The following PAAF1 variants were observed in gnomAD, a reference collection of about 807,000 sequenced individuals.
PAAF1 encodes the protein proteasomal ATPase-associated factor 1.
A neutral mutation model predicts 52.8 loss-of-function variants in PAAF1; 46 were observed. That is an observed-to-expected ratio of 0.87 (90% CI 0.69 to 1.11). The LOEUF is 1.11. Ranked by LOEUF, PAAF1 falls within the 50% of genes most tolerant of loss-of-function variation. The pLI is 0.00. For synonymous variants in PAAF1, 178 were observed against 172.8 expected (o/e 1.03, Z -0.24); for missense variants, 424 against 477.4 (o/e 0.89, Z 1.04).
chr11:73,905,319 G>C (rs1262443936), intron 6 of PAAF1, among the ~76,000 whole-genome samples: 1 of 151,978 alleles, frequency 6.6e-6, no homozygotes, highest in Non-Finnish European at 1.5e-5. Context: ...CGCCTCCTGG[G>C]TTCAAGTGAT....
chr11:73,882,169 C>T (rs1035637700), intron 2 of PAAF1, among the ~76,000 whole-genome samples: 1 of 152,092 alleles, frequency 6.6e-6, no homozygotes, highest in Non-Finnish European at 1.5e-5. Flanking sequence ...GCGTGAGCCA[C>T]TGTGCCCCGC....
At chr11:73,900,244 C>T (rs111391827) in intron 5 of PAAF1, 26 bp from the exon 6 acceptor site, 1 of 1,574,336 alleles carries the variant, frequency 6.4e-7, no homozygotes, top group Non-Finnish European at 8.7e-7. Flanking sequence ...AGAGAACTAG[C>T]ATGGAATTTT....
chr11:73,916,553 CTT>C lies in PAAF1; in HGVS notation c.830_831del (p.Phe277TyrfsTer61). ...GLQSRQLVFLFIGSDAFNCCT... is the reference protein window; with the variant it reads ...GLQSRQLVFLXIGSDAFNCCT... ...CTCCTACTTGTTCCCAGGTGTTCCT[CTT>C]TATTGGCTCAGACGCTTTCAACTGC... On this transcript the variant is annotated frameshift_variant, in exon 9 of 12. Transcript: ENST00000310571. LOFTEE classifies it high-confidence loss of function. 6.2e-7 allele frequency: 1 copy of C among 1,611,614 alleles called. No homozygotes were observed. The highest frequency in any genetic ancestry group is 8.5e-7 in the Non-Finnish European group (1 of 1,178,552).
chr11:73,910,748 T>C (rs1332158637), intron 7 of PAAF1, among the ~76,000 whole-genome samples: 2 of 151,998 alleles, frequency 1.3e-5, no homozygotes, highest in Admixed American at 1.3e-4. Context: ...CCCAGCACTT[T>C]GGGAGGCCGA....
upstream of PAAF1, chr11:73,876,831 C>G: frequency 1.9e-6 from 1 of 523,262 alleles, no homozygotes; most frequent in Non-Finnish European, 3.1e-6. Flanking sequence ...GTTGGGGATC[C>G]TCTGTACATC....
chr11:73,878,908 C>T, intron 2 of PAAF1, 89 bp downstream of exon 2: 1 of 1,252,112 alleles, frequency 8.0e-7, no homozygotes, highest in Admixed American at 1.8e-5. Context: ...CCTGGCCCAG[C>T]CTCCTTACAT....
chr11:73,878,359 G>A (rs1033424305), intron 1 of PAAF1, among the ~76,000 whole-genome samples: 1 of 152,174 alleles, frequency 6.6e-6, no homozygotes, highest in Non-Finnish European at 1.5e-5. Flanking sequence ...AAAAGTGCTA[G>A]GGTGAAGAGA....
At chr11:73,921,406 G>C (rs1211973417) in intron 10 of PAAF1, among the ~76,000 whole-genome samples, 1 of 150,104 alleles carries the variant, frequency 6.7e-6, no homozygotes, top group Non-Finnish European at 1.5e-5. Flanking sequence ...TTTTTTTTTG[G>C]AATGTTAGAA....
intron 4 of PAAF1, among the ~76,000 whole-genome samples, chr11:73,898,782 C>A (rs1949507000): frequency 6.6e-6 from 1 of 152,128 alleles, no homozygotes; most frequent in Non-Finnish European, 1.5e-5. Flanking sequence ...ACATTGCACT[C>A]CAGCCTGGGT....
chr11:73,922,584 G>A (rs1186078504), intron 10 of PAAF1, among the ~76,000 whole-genome samples: 4 of 152,022 alleles, frequency 2.6e-5, no homozygotes, highest in African/African-American at 9.7e-5. Flanking sequence ...TTCGGAGGCC[G>A]AGGCGGGCGG....
chr11:73,900,778 G>T (rs34202768), intron 6 of PAAF1, among the ~76,000 whole-genome samples: 1 of 151,668 alleles, frequency 6.6e-6, no homozygotes, highest in Non-Finnish European at 1.5e-5. Context: ...GTCAGGAGAT[G>T]GAGACCATCC....
chr11:73,927,337 G>A lies in PAAF1; in HGVS notation c.1154G>A (p.Arg385Gln), dbSNP rs1391291732. ...IYTCCRDGLV[R>Q]RYQLSDL The stretch of plus-strand genomic sequence containing the variant: ...ACATGCTGTCGAGACGGTCTTGTAC[G>A]ACGCTACCAGCTTTCTGACCTCTGA... Residue 385 changes from arginine (R) to glutamine (Q), a missense_variant, in exon 12 of 12, where the codon CGA becomes CAA. By Grantham distance (43) the Arg-to-Gln change is conservative. Transcript: ENST00000310571. 2.7e-5 allele frequency: 43 copies of A among 1,614,092 alleles called. No homozygotes were observed. Among genetic ancestry groups the A allele is most frequent in the Non-Finnish European group, 3.3e-5 (39 of 1,179,986 alleles).
intron 4 of PAAF1, among the ~76,000 whole-genome samples, chr11:73,895,201 AAGG>A (rs1206666781): frequency 4.6e-5 from 7 of 152,238 alleles, no homozygotes. Flanking sequence ...TATGAGAGAA[AAGG>A]AGGAGTTGGG....
intron 7 of PAAF1, among the ~76,000 whole-genome samples, chr11:73,910,327 T>C (rs982217759): frequency 1.3e-5 from 2 of 152,186 alleles, no homozygotes; most frequent in Non-Finnish European, 2.9e-5. Context: ...CTTGAACCTT[T>C]AGAGGATAAG....
chr11:73,884,654 G>C (rs1049194454), intron 2 of PAAF1, among the ~76,000 whole-genome samples: 1 of 152,144 alleles, frequency 6.6e-6, no homozygotes, highest in Non-Finnish European at 1.5e-5. Context: ...CTTCAGTTCT[G>C]TTTTTGTGGC....
At position 73,925,620 on chromosome 11, in the gene PAAF1, T is replaced by G. The variant is rs1401862363; in HGVS notation, c.1101+923T>G. Among the ~76,000 whole-genome samples, 5 of 152,178 alleles carry G rather than the reference T, an allele frequency of 3.3e-5. No homozygotes were observed. The East Asian group carries it at 9.6e-4, about 29-fold the overall frequency. On this transcript the variant is annotated intron_variant, in intron 11 of 11. Coordinates refer to ENST00000310571, the MANE Select transcript of PAAF1 (RefSeq NM_025155.3). ...AAATATTATTCATTCTTATTATTAT[T>G]AAGACTTCTAGACTGATTTTTTCAT...
intron 10 of PAAF1, among the ~76,000 whole-genome samples, chr11:73,921,283 G>C (rs1384574073): frequency 6.9e-6 from 1 of 145,234 alleles, no homozygotes; most frequent in African/African-American, 2.7e-5. Flanking sequence ...CTCAGCGACA[G>C]AGTGAGACTG....
At chr11:73,898,018 C>CA (rs970534413) in intron 4 of PAAF1, among the ~76,000 whole-genome samples, 3 of 152,162 alleles carry the variant, frequency 2.0e-5, no homozygotes, top group East Asian at 1.9e-4. Context: ...CCGTCTCCAC[C>CA]AAAAAAACAC....
Position 73,900,304 on chromosome 11 carries a change from G to T in PAAF1, c.416G>T (p.Cys139Phe). The T allele has an allele frequency of 1.2e-6, 2 of 1,611,530 alleles. No homozygotes were observed. The highest frequency in any genetic ancestry group is 1.7e-6 in the Non-Finnish European group (2 of 1,178,480). Reference sequence around the variant, plus strand: ...GAAGGACATGTGTTTGATGTGAATTGTTGCAGGTTTTTCCCATCAGGCCTT... The same window carrying T: ...GAAGGACATGTGTTTGATGTGAATTTTTGCAGGTTTTTCCCATCAGGCCTT... ...VLEGHVFDVN[C>F]CRFFPSGLVV... is the part of the protein sequence containing the mutation. The change falls in exon 6 of 12, where the codon TGT becomes TTT. Residue 139 changes from cysteine to phenylalanine, a missense_variant. Coordinates refer to ENST00000310571, the MANE Select transcript of PAAF1 (RefSeq NM_025155.3).
Sources: gnomAD v4.1 joint callset for allele counts (sites outside exome capture counted in the v4.1 genomes callset) on GRCh38, gnomAD v4.1.1 for gene constraint, MANE v1.5 for transcripts, NCBI Gene and HGNC (gene_info 2026-07-23, HGNC 2026-07-21) for gene names.